The following RGPD3 variants were observed in gnomAD, a reference collection of about 807,000 sequenced individuals.
RGPD3 encodes RANBP2 like and GRIP domain containing 3, also known as ranBP2-like and GRIP domain-containing protein 3.
RGPD3 carries 62 observed loss-of-function variants against 154.5 expected under a neutral mutation model. The ratio of observed to expected loss-of-function variants is 0.40; its 90% confidence interval spans 0.33 to 0.50. The LOEUF is 0.50. Ranked by LOEUF, RGPD3 falls within the 20% of genes least tolerant of loss-of-function variation. The pLI, the probability that RGPD3 is intolerant of heterozygous loss-of-function variation, is 0.59. For synonymous variants in RGPD3, 308 were observed against 607.0 expected (o/e 0.51, Z 7.24); for missense variants, 919 against 1,716.8 (o/e 0.54, Z 8.21).
At chr2:106,405,423 T>C (rs1196264750) in intron 22 of RGPD3, among the ~76,000 whole-genome samples, 194 bp from the exon 23 acceptor site, 3 of 144,916 alleles carry the variant, frequency 2.1e-5, no homozygotes, top group Admixed American at 7.0e-5. Context: ...TCACCCAGGC[T>C]GGAGTGCAGT....
At chr2:106,465,467 G>C (rs1678543238) in intron 1 of RGPD3, among the ~76,000 whole-genome samples, 1 of 151,678 alleles carries the variant, frequency 6.6e-6, no homozygotes, top group Admixed American at 6.6e-5. Flanking sequence ...TTATGTAGTT[G>C]AAAGAACATT....
In RGPD3 at chr2:106,468,358, G is replaced by C. The variant is rs9751480; in HGVS notation, c.-70C>G. ...GCCCCGCAGCAGTCGCCAATTCCAA[G>C]AGGAAAGCGCCTGAAAGCCACTGAG... On this transcript the variant is annotated 5_prime_UTR_variant, in exon 1 of 23. Coordinates refer to ENST00000409886, the MANE Select transcript of RGPD3 (RefSeq NM_001144013.2). 1.4e-5 allele frequency: 21 copies of C among 1,552,222 alleles called. No homozygotes were observed. The highest frequency in any genetic ancestry group is 2.3e-4 in the Middle Eastern group (1 of 4,340).
At chr2:106,415,060 G>A (rs941147837) in intron 21 of RGPD3, among the ~76,000 whole-genome samples, 39 of 151,876 alleles carry the variant, frequency 2.6e-4, no homozygotes, top group Admixed American at 4.6e-4. Context: ...ATTTATCAGT[G>A]AGCCAGGGTG....
intron 9 of RGPD3, among the ~76,000 whole-genome samples, chr2:106,437,475 G>A (rs1677595171): frequency 6.6e-6 from 1 of 151,924 alleles, no homozygotes; most frequent in Non-Finnish European, 1.5e-5. Flanking sequence ...TTGCGCCACT[G>A]CGCTCCAGCC....
chr2:106,404,494 C>T lies in RGPD3; in HGVS notation c.*725G>A, dbSNP rs1676448917. Among the ~76,000 whole-genome samples the T allele has an allele frequency of 7.2e-6, 1 of 138,116 alleles. No homozygotes were observed. The highest frequency in any genetic ancestry group is 1.5e-5 in the Non-Finnish European group (1 of 64,524). 90.6% of individuals were successfully genotyped at this position (138,116 alleles called of 152,430 possible). ...ACAATTAACTGCAGCATATTTACTT[C>T]ATAGCCCCTTAACATGTCACTTTTA... On this transcript the variant is annotated 3_prime_UTR_variant, in exon 23 of 23. Coordinates refer to ENST00000409886, the MANE Select transcript of RGPD3 (RefSeq NM_001144013.2).
In RGPD3 at chr2:106,421,505, T is replaced by G. The variant is rs548287148; in HGVS notation, c.4924+1538A>C. On this transcript the variant is annotated intron_variant, in intron 20 of 22. Coordinates refer to ENST00000409886, the MANE Select transcript of RGPD3 (RefSeq NM_001144013.2). ...GTACTTGTTTGGCATGGCTAAGATG[T>G]GTTACTGGTCACTAAGGGTGAGATT... Among the ~76,000 whole-genome samples, 363 of 151,394 alleles carry G rather than the reference T, an allele frequency of 2.4e-3. 2 individuals are homozygous for G. In the Middle Eastern group the frequency reaches 0.044, roughly 18 times the overall value.
chr2:106,468,125 A>T (rs1440818467), intron 1 of RGPD3, 92 bp downstream of exon 1: 15 of 1,479,968 alleles, frequency 1.0e-5, no homozygotes, highest in Non-Finnish European at 1.4e-5. Flanking sequence ...GTCGGGAGCC[A>T]TGACGCCTGA....
At chr2:106,410,115 A>G (rs1676626495) in intron 22 of RGPD3, among the ~76,000 whole-genome samples, 1 of 151,756 alleles carries the variant, frequency 6.6e-6, no homozygotes, top group South Asian at 2.1e-4. Context: ...ACCTCAGGTG[A>G]TCTACCCTCC....
chr2:106,439,973 T>C (rs1315513333), intron 8 of RGPD3, among the ~76,000 whole-genome samples: 121 of 93,666 alleles, frequency 1.3e-3, no homozygotes, highest in African/African-American at 4.4e-3. Flanking sequence ...AAAGTACTGA[T>C]ACATGCTATA....
chr2:106,411,713 G>A (rs1676676193), intron 22 of RGPD3, among the ~76,000 whole-genome samples: 1 of 152,040 alleles, frequency 6.6e-6, no homozygotes, highest in Non-Finnish European at 1.5e-5. Flanking sequence ...AGCTACTTGG[G>A]AGGCTGAGGC....
rs572119691 is a variant in RGPD3 at position 106,466,098 on chromosome 2, G to A, written c.72+2119C>T. 2.2e-4 allele frequency among the ~76,000 whole-genome samples: 33 copies of A among 151,862 alleles called. No individual in the cohort carries two copies. In the South Asian group the frequency reaches 4.6e-3, roughly 21 times the overall value. ...TGCCCAAGCCCCCGAGAACTAGGCC[G>A]CGCGGGTACTACGGGGCCAGAAAGC... is the stretch of plus-strand genomic sequence containing the variant. On this transcript the variant is annotated intron_variant, in intron 1 of 22. Transcript: ENST00000409886.
rs374351996 is a variant in RGPD3 at position 106,448,802 on chromosome 2, T to C, written c.783-1189A>G. On this transcript the variant is annotated intron_variant, in intron 6 of 22. Coordinates refer to ENST00000409886, the MANE Select transcript of RGPD3 (RefSeq NM_001144013.2). Reference sequence around the variant, plus strand: ...GACTCCCAGGTTCAAGCGATTCTTCTGCCTCAGCCTCCCGAGCAGCTGGGA... The same window carrying C: ...GACTCCCAGGTTCAAGCGATTCTTCCGCCTCAGCCTCCCGAGCAGCTGGGA... Among the ~76,000 whole-genome samples the C allele has an allele frequency of 1.6e-3, 246 of 152,062 alleles. 5 individuals carry two copies. In the East Asian group the frequency reaches 0.045, roughly 28 times the overall value.
chr2:106,421,314 A>G (rs1370011743), intron 20 of RGPD3, among the ~76,000 whole-genome samples: 1 of 152,060 alleles, frequency 6.6e-6, no homozygotes, highest in East Asian at 1.9e-4. Context: ...AGGGATTCCT[A>G]ACCTAGAGCT....
intron 22 of RGPD3, among the ~76,000 whole-genome samples, chr2:106,409,743 C>T (rs574585469): frequency 1.3e-5 from 2 of 151,274 alleles, no homozygotes; most frequent in Admixed American, 6.6e-5. Context: ...ATTATCTGTG[C>T]TGTATTCTTG....
chr2:106,420,198 C>T (rs1676936006), intron 20 of RGPD3, among the ~76,000 whole-genome samples: 1 of 136,818 alleles, frequency 7.3e-6, no homozygotes, highest in Non-Finnish European at 1.5e-5. Context: ...AGAGTTGCAT[C>T]TAGTTTGCCT....
At position 106,424,869 on chromosome 2, in the gene RGPD3, C is replaced by T; in HGVS notation, c.3098G>A (p.Ser1033Asn). ...KDDDAYKTED[S>N]DDIHFEPVVQ... ...TACTGGTTCAAAATGGATGTCATCGCTGTCCTCAGTCTTATAGGCATCATC... is the reference window on the plus strand; with the variant it reads ...TACTGGTTCAAAATGGATGTCATCGTTGTCCTCAGTCTTATAGGCATCATC... Residue 1033 changes from serine (S) to asparagine (N), a missense_variant, in exon 20 of 23, where the codon AGC (serine) becomes AAC (asparagine). Transcript: ENST00000409886. 3 of 1,611,690 alleles carry T rather than the reference C, an allele frequency of 1.9e-6. No individual in the cohort carries two copies. Among genetic ancestry groups the T allele is most frequent in the South Asian group, 1.1e-5 (1 of 90,964 alleles).
At chr2:106,444,906 C>T (rs1263065664) in intron 7 of RGPD3, among the ~76,000 whole-genome samples, 106 of 123,582 alleles carry the variant, frequency 8.6e-4, no homozygotes, top group African/African-American at 3.2e-3. Flanking sequence ...TTCAATGTTA[C>T]GGTGAGCTAC....
chr2:106,406,280 G>A (rs565834150), intron 22 of RGPD3, among the ~76,000 whole-genome samples: 2 of 150,080 alleles, frequency 1.3e-5, no homozygotes, highest in East Asian at 3.9e-4. Context: ...ACCAACCAAG[G>A]CCTGGCACAT....
rs753140810 is a variant in RGPD3, at chr2:106,424,144, T to C, written c.3823A>G (p.Ser1275Gly). The change falls in exon 20 of 23, where the codon AGT (serine) becomes GGT (glycine). Residue 1275 changes from serine (S) to glycine (G), a missense_variant. Ser to Gly is a moderately conservative substitution (Grantham distance 56). Coordinates refer to ENST00000409886, the MANE Select transcript of RGPD3 (RefSeq NM_001144013.2). ...SSSVHASPLA[S>G]SPVRKNLFHF... Reference sequence around the variant, plus strand: ...AAAAGATTTTTTCTCACAGGGCTACTTGCCAATGGAGAAGCATGTACTGAG... The same window carrying C: ...AAAAGATTTTTTCTCACAGGGCTACCTGCCAATGGAGAAGCATGTACTGAG... 8 of 1,610,858 alleles carry C rather than the reference T, an allele frequency of 5.0e-6. 1 individual carries two copies. Among genetic ancestry groups the C allele is most frequent in the Non-Finnish European group, 6.8e-6 (8 of 1,179,516 alleles).
Sources: allele counts gnomAD v4.1 joint callset (sites outside exome capture counted in the v4.1 genomes callset), GRCh38; gene constraint gnomAD v4.1.1; transcripts MANE v1.5; gene names NCBI Gene and HGNC (gene_info 2026-07-23, HGNC 2026-07-21).